The following LDLRAD4 variants were observed in gnomAD, a reference collection of about 807,000 sequenced individuals.
LDLRAD4 encodes low density lipoprotein receptor class A domain containing 4.
Under a neutral mutation model 17.0 loss-of-function variants are expected in LDLRAD4, and 5 were observed. The observed-to-expected ratio is 0.29, with a 90% CI of 0.15 to 0.62. The LOEUF is 0.62. Among genes scored for constraint, LDLRAD4 ranks in the 20% least tolerant of loss-of-function variants. The pLI is 0.84. For synonymous variants in LDLRAD4, 168 were observed against 171.8 expected (o/e 0.98, Z 0.17); for missense variants, 340 against 424.7 (o/e 0.80, Z 1.75).
At chr18:13,494,858 T>G (rs1210654372) in intron 3 of LDLRAD4, among the ~76,000 whole-genome samples, 1 of 150,882 alleles carries the variant, frequency 6.6e-6, no homozygotes, top group Non-Finnish European at 1.5e-5. Flanking sequence ...TAATTCACCC[T>G]CTCTTCCTAT....
At chr18:13,238,550 G>A (rs1413089142) in intron 1 of LDLRAD4, among the ~76,000 whole-genome samples, 1 of 152,218 alleles carries the variant, frequency 6.6e-6, no homozygotes, top group Non-Finnish European at 1.5e-5. Flanking sequence ...GAGAGCAGGT[G>A]GGAGAACGTG....
intron 3 of LDLRAD4, among the ~76,000 whole-genome samples, chr18:13,498,813 ACTGGAGAATCCTCC>A (rs2093542462): frequency 5.1e-5 from 7 of 138,536 alleles, no homozygotes; most frequent in African/African-American, 1.9e-4. Context: ...CGCCGTGGAC[ACTGGAGAATCCTCC>A]CCACACATGT....
At chr18:13,578,692 GAACCATAATATATTTAGCTTGGAGC>G (rs1418812285) in intron 3 of LDLRAD4, among the ~76,000 whole-genome samples, 1 of 152,072 alleles carries the variant, frequency 6.6e-6, no homozygotes, top group Non-Finnish European at 1.5e-5. Flanking sequence ...GCTTCTTAGC[GAACCATAATATATTTAGCTTGGAGC>G]AACTTTTGTT....
intron 3 of LDLRAD4, chr18:13,612,590 A>G (rs2039688119): frequency 1.3e-6 from 2 of 1,514,324 alleles, no homozygotes; most frequent in Admixed American, 2.0e-5. Context: ...ACCCCATGCC[A>G]GCTATAACTG....
chr18:13,294,402 A>G (rs1012399443), intron 1 of LDLRAD4, among the ~76,000 whole-genome samples: 2 of 152,264 alleles, frequency 1.3e-5, no homozygotes, highest in Admixed American at 1.3e-4. Context: ...ACCTGAATGC[A>G]TGGCAAGGCA....
exon 6 of LDLRAD4, chr18:13,652,422 TA>T (rs1313684887): frequency 6.6e-6 from 1 of 152,444 alleles, no homozygotes; most frequent in Non-Finnish European, 1.5e-5. Context: ...AGCAATCTAC[TA>T]AAAAAGTACA....
intron 2 of LDLRAD4, among the ~76,000 whole-genome samples, chr18:13,417,114 T>G (rs2088970428): frequency 6.6e-6 from 1 of 152,194 alleles, no homozygotes; most frequent in African/African-American, 2.4e-5. Context: ...AAAGCAGTTG[T>G]TACATTAGAA....
At chr18:13,580,878 A>C (rs752640610) in intron 3 of LDLRAD4, among the ~76,000 whole-genome samples, 63 of 152,348 alleles carry the variant, frequency 4.1e-4, no homozygotes, top group South Asian at 1.2e-3. Context: ...TTGCCCTTTT[A>C]AAAATAACCT....
chr18:13,272,353 T>G (rs532867549), intron 1 of LDLRAD4, among the ~76,000 whole-genome samples: 14 of 152,246 alleles, frequency 9.2e-5, no homozygotes, highest in Non-Finnish European at 1.9e-4. Context: ...TGGCCGGAGT[T>G]GGTGCTCTGT....
At chr18:13,376,015 CT>C (rs2084881328) in intron 1 of LDLRAD4, among the ~76,000 whole-genome samples, 1 of 152,174 alleles carries the variant, frequency 6.6e-6, no homozygotes, top group African/African-American at 2.4e-5. Context: ...CAGCAGCTTA[CT>C]TTCCTTGGAG....
intron 3 of LDLRAD4, among the ~76,000 whole-genome samples, chr18:13,497,657 C>T (rs764491430): frequency 3.3e-5 from 5 of 152,208 alleles, no homozygotes; most frequent in Non-Finnish European, 7.3e-5. Context: ...GCTTTCATGC[C>T]ATAATACCAG....
chr18:13,584,082 C>T (rs71353276), intron 3 of LDLRAD4, among the ~76,000 whole-genome samples: 3 of 152,190 alleles, frequency 2.0e-5, no homozygotes, highest in Admixed American at 6.5e-5. Flanking sequence ...CACGTTGCCT[C>T]CCATCACCCT....
chr18:13,222,661 A>G (rs2041527378), intron 1 of LDLRAD4, among the ~76,000 whole-genome samples: 1 of 152,202 alleles, frequency 6.6e-6, no homozygotes, highest in Non-Finnish European at 1.5e-5. Flanking sequence ...CTCGGTTCGG[A>G]AATGAAAAGG....
chr18:13,387,725 G>A, exon 2 of LDLRAD4: 1 of 1,614,036 alleles, frequency 6.2e-7, no homozygotes, highest in Non-Finnish European at 8.5e-7. Flanking sequence ...GGAGCAGTAT[G>A]CCGGAAGCTG....
intron 1 of LDLRAD4, among the ~76,000 whole-genome samples, chr18:13,382,926 CTG>C (rs2145132089): frequency 6.6e-6 from 1 of 152,390 alleles, no homozygotes; most frequent in South Asian, 2.1e-4. Context: ...TGCTCTCTCT[CTG>C]TAGCCTGAGG....
At chr18:13,332,930 C>A (rs2081940153) in intron 1 of LDLRAD4, among the ~76,000 whole-genome samples, 1 of 151,840 alleles carries the variant, frequency 6.6e-6, no homozygotes. Flanking sequence ...TAGTAAATAC[C>A]AACGAGCGCA....
At chr18:13,641,087 T>C (rs1419156937) in intron 4 of LDLRAD4, among the ~76,000 whole-genome samples, 6 of 152,162 alleles carry the variant, frequency 3.9e-5, no homozygotes, top group Admixed American at 2.0e-4. Context: ...GAGGAAAAGA[T>C]GAGACAAGTC....
chr18:13,347,578 T>C (rs1488977533), intron 1 of LDLRAD4, among the ~76,000 whole-genome samples: 2 of 152,218 alleles, frequency 1.3e-5, no homozygotes, highest in Non-Finnish European at 2.9e-5. Flanking sequence ...AGGAGTATCT[T>C]TGTGGCGTTC....
intron 3 of LDLRAD4, among the ~76,000 whole-genome samples, chr18:13,512,648 G>A (rs1434182429): frequency 6.6e-6 from 1 of 152,190 alleles, no homozygotes; most frequent in African/African-American, 2.4e-5. Flanking sequence ...GAGAACTAAT[G>A]ACTACTGCAT....
Sources: allele counts gnomAD v4.1 joint callset (sites outside exome capture counted in the v4.1 genomes callset), GRCh38; gene constraint gnomAD v4.1.1; transcripts MANE v1.5; gene names NCBI Gene and HGNC (gene_info 2026-07-23, HGNC 2026-07-21).